ARMH4: variants seen among roughly 807,000 people sequenced by gnomAD.
ARMH4 encodes armadillo-like helical domain-containing protein 4.
In ARMH4, 49 loss-of-function variants were observed where a neutral mutation model predicts 61.9. That is an observed-to-expected ratio of 0.79 (90% CI 0.63 to 1.00). The LOEUF (loss-of-function observed/expected upper bound fraction) is 1.00, where lower values mean the gene tolerates loss of function less well. Among genes scored for constraint, ARMH4 ranks in the 50% least tolerant of loss-of-function variants. The pLI, the probability that ARMH4 is intolerant of heterozygous loss-of-function variation, is 0.00. For missense variants in ARMH4, 934 were observed against 930.0 expected (o/e 1.00, Z -0.06); for synonymous variants, 368 against 341.5 (o/e 1.08, Z -0.85).
intron 5 of ARMH4, among the ~76,000 whole-genome samples, chr14:58,040,364 T>C (rs1883646596): frequency 6.6e-6 from 1 of 152,136 alleles, no homozygotes; most frequent in South Asian, 2.1e-4. Flanking sequence ...CCGCCATGTG[T>C]CCATGTGTTC....
chr14:58,112,183 AC>A (rs1248305472), intron 4 of ARMH4, among the ~76,000 whole-genome samples: 3 of 150,560 alleles, frequency 2.0e-5, no homozygotes, highest in African/African-American at 4.9e-5. Context: ...TCAACAAGAA[AC>A]CTCTGGCTAA....
intron 5 of ARMH4, among the ~76,000 whole-genome samples, chr14:58,059,218 T>C (rs983478756): frequency 1.3e-5 from 2 of 152,256 alleles, no homozygotes; most frequent in Admixed American, 6.5e-5. Flanking sequence ...CAGGTCAGGC[T>C]GGGCATCTTC....
chr14:58,009,816 AAAAAAAAAAAAAG>A (rs1016019971), intron 6 of ARMH4, among the ~76,000 whole-genome samples: 16 of 143,948 alleles, frequency 1.1e-4, no homozygotes, highest in African/African-American at 4.0e-4. Flanking sequence ...GCAAAAAAAA[AAAAAAAAAAAAAG>A]AGAGAGAGAG....
chr14:58,038,616 T>C (rs1883572138), intron 5 of ARMH4, among the ~76,000 whole-genome samples: 1 of 152,068 alleles, frequency 6.6e-6, no homozygotes, highest in Admixed American at 6.6e-5. Flanking sequence ...CTTTTAAATT[T>C]GTGATACAAT....
intron 4 of ARMH4, among the ~76,000 whole-genome samples, chr14:58,100,176 C>T (rs947244685): frequency 1.3e-5 from 2 of 151,864 alleles, no homozygotes; most frequent in Non-Finnish European, 1.5e-5. Flanking sequence ...CTTTTATTCT[C>T]GGTCAAATAA....
chr14:58,042,572 T>C (rs1289124661), intron 5 of ARMH4, among the ~76,000 whole-genome samples: 1 of 151,984 alleles, frequency 6.6e-6, no homozygotes, highest in African/African-American at 2.4e-5. Context: ...ATTCAAAAGC[T>C]AGCAGAAGGC....
At chr14:58,075,291 A>C (rs1428353764) in intron 5 of ARMH4, among the ~76,000 whole-genome samples, 1 of 152,210 alleles carries the variant, frequency 6.6e-6, no homozygotes, top group African/African-American at 2.4e-5. Flanking sequence ...TTCTACCATA[A>C]AGACTCATGC....
chr14:58,006,928 A>AATT (rs1566536413), intron 6 of ARMH4, among the ~76,000 whole-genome samples: 10 of 142,336 alleles, frequency 7.0e-5, no homozygotes, highest in African/African-American at 2.5e-4. Context: ...ATAAATAAAT[A>AATT]AATTAATTAA....
chr14:58,096,161 C>A (rs763010528), intron 5 of ARMH4, among the ~76,000 whole-genome samples: 6 of 152,146 alleles, frequency 3.9e-5, no homozygotes, highest in Admixed American at 6.5e-5. Context: ...GAAATGAAAT[C>A]GTGTTTGACA....
intron 5 of ARMH4, among the ~76,000 whole-genome samples, chr14:58,043,856 T>C (rs1809410483): frequency 6.6e-6 from 1 of 152,192 alleles, no homozygotes; most frequent in African/African-American, 2.4e-5. Flanking sequence ...CCATTCACAA[T>C]TGCTTCAAAG....
intron 1 of ARMH4, among the ~76,000 whole-genome samples, chr14:58,149,308 T>A (rs891665997): frequency 4.6e-5 from 7 of 152,196 alleles, no homozygotes; most frequent in African/African-American, 1.7e-4. Context: ...GGATCTAGGC[T>A]GCAGCTATAC....
chr14:58,009,831 G>T (rs201195251), intron 6 of ARMH4, among the ~76,000 whole-genome samples: 4 of 129,598 alleles, frequency 3.1e-5, no homozygotes, highest in African/African-American at 8.2e-5. Context: ...AAAAAAAAGA[G>T]AGAGAGAGAG....
At chr14:58,098,496 A>G (rs1407375005) in intron 4 of ARMH4, among the ~76,000 whole-genome samples, 1 of 152,252 alleles carries the variant, frequency 6.6e-6, no homozygotes, top group African/African-American at 2.4e-5. Flanking sequence ...AGAAGATAGA[A>G]AACGCCAGGC....
intron 4 of ARMH4, among the ~76,000 whole-genome samples, chr14:58,127,170 C>T (rs552299442): frequency 6.6e-6 from 1 of 152,110 alleles, no homozygotes; most frequent in African/African-American, 2.4e-5. Flanking sequence ...AATAAGCGGG[C>T]CTTTTGAAAC....
intron 4 of ARMH4, among the ~76,000 whole-genome samples, chr14:58,121,427 A>G (rs1886718780): frequency 6.6e-6 from 1 of 152,232 alleles, no homozygotes; most frequent in Non-Finnish European, 1.5e-5. Context: ...AATTATACCA[A>G]TAAATGAATT....
In ARMH4 at chr14:58,004,542, T is replaced by C. The variant is rs1882087469; in HGVS notation, c.*194A>G. ...TTCACTACAGAATAAAACCAAATAC[T>C]GCATGATACGTTTAGTATACAACAT... On this transcript the variant is annotated 3_prime_UTR_variant, in exon 8 of 8. Transcript: ENST00000267485. The C allele has an allele frequency of 2.1e-6, 1 of 476,266 alleles. No homozygotes were observed. Among genetic ancestry groups the C allele is most frequent in the Admixed American group, 3.4e-5 (1 of 29,070 alleles). The allele number at this position is 476,266 out of a possible 1,614,324, so 29.5% of individuals were successfully genotyped here.
At chr14:58,149,211 C>A (rs1426936430) in intron 1 of ARMH4, among the ~76,000 whole-genome samples, 1 of 152,130 alleles carries the variant, frequency 6.6e-6, no homozygotes, top group Non-Finnish European at 1.5e-5. Flanking sequence ...ACTCTATTAA[C>A]CCAGCTGTGG....
chr14:58,132,440 G>T (rs902555512), intron 3 of ARMH4, among the ~76,000 whole-genome samples: 1 of 151,136 alleles, frequency 6.6e-6, no homozygotes, highest in Non-Finnish European at 1.5e-5. Flanking sequence ...TCAAATTCAG[G>T]TCCATGCTTT....
At chr14:58,059,845 C>T (rs907065805) in intron 5 of ARMH4, among the ~76,000 whole-genome samples, 2 of 152,166 alleles carry the variant, frequency 1.3e-5, no homozygotes, top group African/African-American at 4.8e-5. Flanking sequence ...GCCCTAGACA[C>T]TGCGTTATAT....
Sources: allele counts gnomAD v4.1 joint callset (sites outside exome capture counted in the v4.1 genomes callset), GRCh38; gene constraint gnomAD v4.1.1; transcripts MANE v1.5; gene names NCBI Gene and HGNC (gene_info 2026-07-23, HGNC 2026-07-21).